CCSER1: variants seen among roughly 807,000 people sequenced by gnomAD.
CCSER1 encodes coiled-coil serine rich protein 1.
CCSER1 carries 41 observed loss-of-function variants against 82.0 expected under a neutral mutation model. The observed-to-expected ratio is 0.50, with a 90% CI of 0.39 to 0.65. The LOEUF is 0.65. Among genes scored for constraint, CCSER1 ranks in the 30% least tolerant of loss-of-function variants. The pLI is 0.00. For missense variants in CCSER1, 1,119 were observed against 1,064.2 expected (o/e 1.05, Z -0.72); for synonymous variants, 414 against 383.9 (o/e 1.08, Z -0.92).
At chr4:90,794,395 C>G (rs1330077158) in intron 7 of CCSER1, among the ~76,000 whole-genome samples, 1 of 152,108 alleles carries the variant, frequency 6.6e-6, no homozygotes, top group Non-Finnish European at 1.5e-5. Context: ...ATCCAGTTAT[C>G]CCAGCACCAT....
intron 10 of CCSER1, among the ~76,000 whole-genome samples, chr4:91,129,115 C>A (rs1727773311): frequency 1.3e-5 from 2 of 152,076 alleles, no homozygotes; most frequent in South Asian, 4.1e-4. Flanking sequence ...TCAAACAGTA[C>A]CCAAAGGAAG....
At chr4:91,041,332 G>A (rs1741938302) in intron 9 of CCSER1, among the ~76,000 whole-genome samples, 1 of 152,184 alleles carries the variant, frequency 6.6e-6, no homozygotes, top group African/African-American at 2.4e-5. Flanking sequence ...ATTTTGGTCA[G>A]TGACAGTTCA....
At chr4:90,360,243 C>T (rs1745127017) in intron 3 of CCSER1, among the ~76,000 whole-genome samples, 2 of 147,838 alleles carry the variant, frequency 1.4e-5, no homozygotes, top group South Asian at 4.4e-4. Context: ...AAAAAAACAT[C>T]CACGGCCAGA....
intron 3 of CCSER1, among the ~76,000 whole-genome samples, chr4:90,391,287 GA>G (rs1185973310): frequency 1.3e-4 from 9 of 69,128 alleles, no homozygotes; most frequent in East Asian, 5.5e-4. Flanking sequence ...AAAAAAAAAA[GA>G]AAAAAAAAGA....
At chr4:91,101,328 C>T (rs147036552) in intron 10 of CCSER1, among the ~76,000 whole-genome samples, 2 of 152,300 alleles carry the variant, frequency 1.3e-5, no homozygotes, top group Non-Finnish European at 2.9e-5. Flanking sequence ...TGGAGACATA[C>T]ACACATAAGT....
intron 8 of CCSER1, among the ~76,000 whole-genome samples, chr4:90,825,159 G>T (rs898912825): frequency 6.6e-6 from 1 of 152,210 alleles, no homozygotes; most frequent in Non-Finnish European, 1.5e-5. Context: ...GTACAGCATG[G>T]ATATAAGAAA....
chr4:91,199,950 G>T (rs1735774806), intron 10 of CCSER1, among the ~76,000 whole-genome samples: 1 of 151,736 alleles, frequency 6.6e-6, no homozygotes, highest in African/African-American at 2.4e-5. Context: ...ATTGAAAAAA[G>T]AAATATTTCA....
intron 10 of CCSER1, among the ~76,000 whole-genome samples, chr4:91,230,535 C>A (rs1738540550): frequency 6.6e-6 from 1 of 151,820 alleles, no homozygotes; most frequent in Non-Finnish European, 1.5e-5. Context: ...TTTAATTGCT[C>A]ATTGTAGAGA....
chr4:91,130,116 A>G (rs1727873082), intron 10 of CCSER1: 2 of 152,110 alleles, frequency 1.3e-5, no homozygotes, highest in South Asian at 2.1e-4. Context: ...TGTCTGCAGT[A>G]AGGGGTACTG....
intron 1 of CCSER1, among the ~76,000 whole-genome samples, chr4:90,244,532 T>C (rs181421577): frequency 3.6e-3 from 548 of 152,286 alleles, no homozygotes; most frequent in Non-Finnish European, 6.2e-3. Flanking sequence ...AGAGGTTTAA[T>C]TGACTCACAG....
rs55638023 is a variant in CCSER1, at chr4:91,168,313, C to T, written c.2217+82319C>T. Among the ~76,000 whole-genome samples, 380 of 138,844 alleles carry T rather than the reference C, an allele frequency of 2.7e-3. 2 individuals carry two copies. The highest frequency in any genetic ancestry group is 9.8e-3 in the African/African-American group (357 of 36,326). The allele number at this position is 138,844 out of a possible 152,430, so 91.1% of individuals were successfully genotyped here. ...GCCGCCCCTTCTGGGATGTGAGGAG[C>T]GCCTCTGCCCGGCCACCCCCTCTGG... On this transcript the variant is annotated intron_variant, in intron 10 of 10. Transcript: ENST00000509176.
chr4:90,501,968 G>A (rs1769950018), intron 5 of CCSER1, among the ~76,000 whole-genome samples: 1 of 151,976 alleles, frequency 6.6e-6, no homozygotes, highest in Non-Finnish European at 1.5e-5. Flanking sequence ...TTATCTTAAA[G>A]AATTCTGTAG....
At chr4:90,900,479 A>G (rs1724469778) in intron 8 of CCSER1, among the ~76,000 whole-genome samples, 1 of 151,950 alleles carries the variant, frequency 6.6e-6, no homozygotes, top group Admixed American at 6.6e-5. Flanking sequence ...GTGTCACAGA[A>G]GTGTTTGTAT....
At chr4:91,035,559 G>T (rs1741362761) in intron 9 of CCSER1, among the ~76,000 whole-genome samples, 1 of 152,050 alleles carries the variant, frequency 6.6e-6, no homozygotes, top group Admixed American at 6.6e-5. Context: ...GGATGGAGGG[G>T]CTACAGGGTA....
At chr4:91,054,937 C>T (rs2148718725) in intron 9 of CCSER1, among the ~76,000 whole-genome samples, 1 of 152,180 alleles carries the variant, frequency 6.6e-6, no homozygotes. Context: ...CCCATTTTGC[C>T]AATCTCTGTC....
At chr4:91,470,915 C>T (rs980563201) in intron 10 of CCSER1, among the ~76,000 whole-genome samples, 1 of 152,124 alleles carries the variant, frequency 6.6e-6, no homozygotes, top group Non-Finnish European at 1.5e-5. Flanking sequence ...TTGCTTTGCT[C>T]ATTCATAAGC....
intron 10 of CCSER1, among the ~76,000 whole-genome samples, chr4:91,135,219 C>T (rs2148916572): frequency 6.6e-6 from 1 of 152,072 alleles, no homozygotes; most frequent in South Asian, 2.1e-4. Context: ...TGATGAAGTA[C>T]AGAATCTAAA....
intron 7 of CCSER1, among the ~76,000 whole-genome samples, chr4:90,779,509 C>CA (rs1247707276): frequency 6.6e-6 from 1 of 152,138 alleles, no homozygotes; most frequent in Admixed American, 6.5e-5. Flanking sequence ...CAATGGTTAG[C>CA]ATTTAACATT....
At position 90,918,145 on chromosome 4, in the gene CCSER1, A is replaced by G. The variant is rs577857360; in HGVS notation, c.2095-5225A>G. On this transcript the variant is annotated intron_variant, in intron 8 of 10. Transcript: ENST00000509176. ...AGTAAGTATGTAATCACTATTATAT[A>G]CTAGTGTCTGTTAATTGTATTAACT... The G allele has an allele frequency of 5.9e-5, 22 of 375,728 alleles. No homozygotes were observed. In the East Asian group the frequency reaches 1.3e-3, roughly 21 times the overall value. The allele number at this position is 375,728 out of a possible 1,614,324, so 23.3% of individuals were successfully genotyped here. A position where few individuals can be genotyped will look rare whatever the true frequency, so the allele number is the denominator to read the frequency against.
Sources: allele counts gnomAD v4.1 joint callset (sites outside exome capture counted in the v4.1 genomes callset), GRCh38; gene constraint gnomAD v4.1.1; transcripts MANE v1.5; gene names NCBI Gene and HGNC (gene_info 2026-07-23, HGNC 2026-07-21).